ROBO2: variants seen among roughly 807,000 people sequenced by gnomAD.
The protein encoded by ROBO2 is roundabout guidance receptor 2.
In ROBO2, 53 loss-of-function variants were observed where a neutral mutation model predicts 160.8. The observed-to-expected ratio is 0.33, with a 90% CI of 0.26 to 0.41. The LOEUF (loss-of-function observed/expected upper bound fraction) is 0.41, where lower values mean the gene tolerates loss of function less well. Among genes scored for constraint, ROBO2 ranks in the 10% least tolerant of loss-of-function variants. ROBO2 has a pLI of 1.00. For synonymous variants in ROBO2, 664 were observed against 611.7 expected (o/e 1.09, Z -1.26); for missense variants, 1,577 against 1,722.4 (o/e 0.92, Z 1.49).
chr3:76,322,164 G>GTGTATATATA (rs2072587425), intron 2 of ROBO2, among the ~76,000 whole-genome samples: 1 of 108,156 alleles, frequency 9.2e-6, no homozygotes, highest in African/African-American at 4.5e-5. Flanking sequence ...TACTTCTTCC[G>GTGTATATATA]TATATATATA....
At chr3:77,424,871 A>G (rs949985469) in intron 2 of ROBO2, among the ~76,000 whole-genome samples, 4 of 152,190 alleles carry the variant, frequency 2.6e-5, no homozygotes, top group Non-Finnish European at 5.9e-5. Context: ...ACCTTTGCAC[A>G]GTATGACATC....
intron 14 of ROBO2, among the ~76,000 whole-genome samples, chr3:77,576,875 A>T (rs1273402935): frequency 1.3e-5 from 2 of 152,164 alleles, no homozygotes; most frequent in African/African-American, 4.8e-5. Flanking sequence ...TTCTGTGTTG[A>T]TGACATTTAT....
intron 2 of ROBO2, among the ~76,000 whole-genome samples, chr3:76,405,754 A>C (rs2078090095): frequency 1.3e-5 from 2 of 151,814 alleles, no homozygotes; most frequent in Admixed American, 1.3e-4. Flanking sequence ...TTGAAAAGGA[A>C]AGCACTCATA....
intron 8 of ROBO2, among the ~76,000 whole-genome samples, 169 bp from the exon 10 acceptor site, chr3:77,557,775 A>G (rs895405121): frequency 6.6e-6 from 1 of 151,974 alleles, no homozygotes; most frequent in Non-Finnish European, 1.5e-5. Flanking sequence ...TAGATGATAG[A>G]TATATGATAG....
intron 2 of ROBO2, among the ~76,000 whole-genome samples, chr3:76,193,244 A>G (rs1410880419): frequency 2.0e-5 from 3 of 152,108 alleles, no homozygotes. Context: ...AAGTCTTTGT[A>G]TTTGGTGGTA....
At chr3:77,226,904 G>A (rs2086567637) in intron 2 of ROBO2, among the ~76,000 whole-genome samples, 1 of 152,164 alleles carries the variant, frequency 6.6e-6, no homozygotes, top group African/African-American at 2.4e-5. Context: ...CCATTGTGAA[G>A]TCAAAAAATC....
At chr3:76,950,356 A>C (rs1033429281) in intron 2 of ROBO2, among the ~76,000 whole-genome samples, 23 of 152,308 alleles carry the variant, frequency 1.5e-4, no homozygotes, top group African/African-American at 5.3e-4. Context: ...ATTAATCTTT[A>C]TGTTACTTTG....
At chr3:77,494,878 G>A (rs1325222117) in intron 5 of ROBO2, among the ~76,000 whole-genome samples, 3 of 152,162 alleles carry the variant, frequency 2.0e-5, no homozygotes, top group Non-Finnish European at 2.9e-5. Context: ...TAAAACAAGT[G>A]AAAACATTAA....
chr3:75,989,398 G>A (rs540063145), intron 2 of ROBO2, among the ~76,000 whole-genome samples: 1 of 152,242 alleles, frequency 6.6e-6, no homozygotes, highest in South Asian at 2.1e-4. Flanking sequence ...TTACAGGCAT[G>A]AGCCACTGCG....
intron 2 of ROBO2, among the ~76,000 whole-genome samples, chr3:77,356,524 T>G (rs2069154519): frequency 6.6e-6 from 1 of 152,220 alleles, no homozygotes; most frequent in Non-Finnish European, 1.5e-5. Context: ...AATACATTTT[T>G]CTTACCCATC....
At chr3:76,832,474 T>A (rs543621263) in intron 2 of ROBO2, among the ~76,000 whole-genome samples, 207 of 152,252 alleles carry the variant, frequency 1.4e-3, no homozygotes, top group Non-Finnish European at 2.6e-3. Context: ...TGACAACGTT[T>A]AATGCATCAT....
chr3:76,543,478 C>A (rs981148454), intron 2 of ROBO2, among the ~76,000 whole-genome samples: 7 of 152,250 alleles, frequency 4.6e-5, no homozygotes, highest in African/African-American at 1.4e-4. Flanking sequence ...AGAATCATCT[C>A]TTTTCCTTGT....
rs1433740534 is a variant in ROBO2, at chr3:77,180,416, C to CTCTCTA, written c.388+82077_388+82078insCTCTAT. Among the ~76,000 whole-genome samples, 127 of 90,712 alleles carry CTCTCTA rather than the reference C, an allele frequency of 1.4e-3. 1 individual carries two copies. The highest frequency in any genetic ancestry group is 7.5e-3 in the South Asian group (20 of 2,656). 59.5% of individuals were successfully genotyped at this position (90,712 alleles called of 152,430 possible). A position where few individuals can be genotyped will look rare whatever the true frequency, so the allele number is the denominator to read the frequency against. On this transcript the variant is annotated intron_variant, in intron 2 of 25. Coordinates refer to ENST00000461745, the Ensembl canonical transcript of ROBO2. Reference sequence around the variant, plus strand: ...TCTCTCTCTCTCTCTCTCTCTCTCTCTATATATATATATATGTATTTTTTT... The same window carrying CTCTCTA: ...TCTCTCTCTCTCTCTCTCTCTCTCTCTCTCTATATATATATATATATGTATTTTTTT...
Position 77,490,132 on chromosome 3 carries a change from G to A in ROBO2, c.668-3112G>A, listed in dbSNP as rs1305938525. On this transcript the variant is annotated intron_variant, in intron 4 of 25. Transcript: ENST00000461745. Reference sequence around the variant, plus strand: ...TTTTTTTTTTTTGGGACGGAGTCTCGCTCTGTCTCCCAGGCTGGAGTGCAG... The same window carrying A: ...TTTTTTTTTTTTGGGACGGAGTCTCACTCTGTCTCCCAGGCTGGAGTGCAG... Among the ~76,000 whole-genome samples the A allele has an allele frequency of 5.1e-5, 7 of 136,822 alleles. No individual in the cohort carries two copies. The South Asian group carries it at 1.4e-3, about 27-fold the overall frequency. The allele number at this position is 136,822 out of a possible 152,430, so 89.8% of individuals were successfully genotyped here.
chr3:77,283,748 T>G (rs1580652963), intron 2 of ROBO2, among the ~76,000 whole-genome samples: 1 of 152,288 alleles, frequency 6.6e-6, no homozygotes. Flanking sequence ...AATGAGATTT[T>G]TAAAAAAGTT....
At position 77,273,694 on chromosome 3, in the gene ROBO2, A is replaced by G. The variant is rs1055532864; in HGVS notation, c.388+175354A>G. ...TAAAAGAAGACAGACTCAAATGACT[A>G]TATGCTTAATGGTTTGCTTCATATA... On this transcript the variant is annotated intron_variant, in intron 2 of 25. Coordinates refer to ENST00000461745, the Ensembl canonical transcript of ROBO2. 5.3e-5 allele frequency among the ~76,000 whole-genome samples: 8 copies of G among 152,356 alleles called. 1 individual carries two copies. The highest frequency in any genetic ancestry group is 7.2e-5 in the African/African-American group (3 of 41,576).
chr3:76,458,691 C>T (rs2077917005), intron 2 of ROBO2, among the ~76,000 whole-genome samples: 1 of 152,150 alleles, frequency 6.6e-6, no homozygotes, highest in Non-Finnish European at 1.5e-5. Context: ...TTTAATTCGA[C>T]TTACAGTTCC....
At chr3:77,373,839 T>G (rs1052363883) in intron 2 of ROBO2, among the ~76,000 whole-genome samples, 3 of 146,202 alleles carry the variant, frequency 2.1e-5, no homozygotes, top group African/African-American at 7.7e-5. Context: ...CAGGGGTGAT[T>G]ATAGAGCAGC....
intron 6 of ROBO2, among the ~76,000 whole-genome samples, chr3:77,544,831 A>G (rs2092634610): frequency 6.6e-6 from 1 of 152,100 alleles, no homozygotes; most frequent in South Asian, 2.1e-4. Flanking sequence ...ATAGATTATT[A>G]GAAAAGTCAT....
Sources: gnomAD v4.1 joint callset for allele counts (sites outside exome capture counted in the v4.1 genomes callset) on GRCh38, gnomAD v4.1.1 for gene constraint, MANE v1.5 for transcripts, NCBI Gene and HGNC (gene_info 2026-07-23, HGNC 2026-07-21) for gene names.